CCNY: variants seen among roughly 807,000 people sequenced by gnomAD.
CCNY encodes cyclin-Y.
A neutral mutation model predicts 42.8 loss-of-function variants in CCNY; 19 were observed. That is an observed-to-expected ratio of 0.44 (90% CI 0.31 to 0.65). CCNY has a LOEUF of 0.65. CCNY is among the 30% of genes least tolerant of loss of function. The pLI is 0.07. For missense variants in CCNY, 370 were observed against 437.3 expected (o/e 0.85, Z 1.37); for synonymous variants, 165 against 162.7 (o/e 1.01, Z -0.11).
intron 2 of CCNY, among the ~76,000 whole-genome samples, chr10:35,495,173 A>C (rs1003637631): frequency 6.6e-6 from 1 of 152,196 alleles, no homozygotes; most frequent in Non-Finnish European, 1.5e-5. Flanking sequence ...TGTTTTATGT[A>C]TCTCTGTGTT....
Position 35,383,332 on chromosome 10 carries a change from G to T in CCNY, c.154+46125G>T, listed in dbSNP as rs191637382. 3.0e-3 allele frequency among the ~76,000 whole-genome samples: 453 copies of T among 151,402 alleles called. 1 individual carries two copies. The highest frequency in any genetic ancestry group is 0.01 in the African/African-American group (430 of 41,282). On this transcript the variant is annotated intron_variant, in intron 1 of 9. Transcript: ENST00000374704. ...CTTTTCTTTTTTTTTTTTTAAGATG[G>T]TGTTTTGCTCTGTTGCCCAGGCTGG...
intron 1 of CCNY, among the ~76,000 whole-genome samples, chr10:35,355,912 G>GTT (rs553627492): frequency 4.3e-5 from 6 of 141,090 alleles, no homozygotes; most frequent in African/African-American, 1.0e-4. Context: ...ATCTTAGATT[G>GTT]TTTTTTTTTT....
In CCNY at chr10:35,315,953, T is replaced by C. The variant is rs114070731; in HGVS notation, c.-9+65327T>C. On this transcript the variant is annotated intron_variant, in intron 3 of 11. Transcript: ENST00000374706. ...TCATTCTAATTTCCACCCAGACCCA[T>C]TTCTACCTTCTGTCTCTATAATATT... Among the ~76,000 whole-genome samples the C allele has an allele frequency of 5.2e-3, 786 of 152,316 alleles. 2 individuals carry two copies. Among genetic ancestry groups the C allele is most frequent in the African/African-American group, 0.018 (759 of 41,572 alleles).
chr10:35,266,503 G>A (rs2135037736), intron 3 of CCNY, among the ~76,000 whole-genome samples: 1 of 151,970 alleles, frequency 6.6e-6, no homozygotes, highest in Middle Eastern at 3.4e-3. Context: ...CTCACGCGTG[G>A]ACACAGGCAC....
chr10:35,511,154 C>T (rs113999541), intron 3 of CCNY, among the ~76,000 whole-genome samples: 1,962 of 152,340 alleles, frequency 0.013, 33 homozygotes, highest in East Asian at 0.051. Context: ...TGTGGTCTCC[C>T]TCACAGAGGA....
chr10:35,552,086 A>G (rs1437752791), intron 7 of CCNY, among the ~76,000 whole-genome samples: 1 of 152,008 alleles, frequency 6.6e-6, no homozygotes, highest in African/African-American at 2.4e-5. Context: ...TCATAGCTGC[A>G]TTGTTCACAA....
chr10:35,253,699 G>T (rs1429012984), intron 3 of CCNY, among the ~76,000 whole-genome samples: 2 of 151,808 alleles, frequency 1.3e-5, no homozygotes. Context: ...ATTCATAGAG[G>T]CTAACATTCA....
intron 1 of CCNY, among the ~76,000 whole-genome samples, chr10:35,417,998 G>A (rs1329805537): frequency 6.6e-6 from 1 of 152,182 alleles, no homozygotes; most frequent in Non-Finnish European, 1.5e-5. Flanking sequence ...CTAAGCCCAG[G>A]CCTTTTGGAA....
rs1326761225 is a variant in CCNY, at chr10:35,361,751, G to A, written c.154+24544G>A. 2.0e-5 allele frequency among the ~76,000 whole-genome samples: 3 copies of A among 152,178 alleles called. No homozygotes were observed. In the East Asian group the frequency reaches 5.8e-4, roughly 29 times the overall value. On this transcript the variant is annotated intron_variant, in intron 1 of 9. Transcript: ENST00000374704. ...ATATTACAAAGATATATAAGACATG[G>A]CCTCTGATTTGTGGAGCACTAAATT...
At chr10:35,418,612 C>A (rs1286530335) in intron 1 of CCNY, among the ~76,000 whole-genome samples, 2 of 151,990 alleles carry the variant, frequency 1.3e-5, no homozygotes, top group Non-Finnish European at 2.9e-5. Context: ...TGAGAATATG[C>A]CTCCGTTGCT....
intron 7 of CCNY, among the ~76,000 whole-genome samples, chr10:35,547,617 C>T (rs1054440456): frequency 1.8e-4 from 27 of 152,164 alleles, no homozygotes; most frequent in African/African-American, 6.0e-4. Context: ...GTTTTACTAG[C>T]GAATCACTCG....
chr10:35,499,662 G>A (rs1840071909), intron 2 of CCNY, among the ~76,000 whole-genome samples: 1 of 152,214 alleles, frequency 6.6e-6, no homozygotes, highest in South Asian at 2.1e-4. Flanking sequence ...GATGTAGGGT[G>A]TTGAGGTGAC....
intron 3 of CCNY, among the ~76,000 whole-genome samples, chr10:35,321,758 A>C (rs1835824741): frequency 6.6e-6 from 1 of 152,242 alleles, no homozygotes; most frequent in East Asian, 1.9e-4. Context: ...AGAATGCAAA[A>C]AATTTTTGAA....
At chr10:35,560,832 G>GC (rs1418890845) in intron 8 of CCNY, among the ~76,000 whole-genome samples, 1 of 152,160 alleles carries the variant, frequency 6.6e-6, no homozygotes, top group Non-Finnish European at 1.5e-5. Context: ...AACCGTGTGA[G>GC]CCCAGGAATT....
chr10:35,412,406 C>T (rs1010214170), intron 1 of CCNY, among the ~76,000 whole-genome samples: 5 of 152,154 alleles, frequency 3.3e-5, no homozygotes, highest in African/African-American at 1.2e-4. Flanking sequence ...TAATCAAATG[C>T]ATTGCTATAC....
rs113022223 is a variant in CCNY, at chr10:35,469,159, T to C, written c.155-14245T>C. On this transcript the variant is annotated intron_variant, in intron 1 of 9. Coordinates refer to ENST00000374704, the MANE Select transcript of CCNY (RefSeq NM_145012.6). ...AAAACCCAAGACCAGCTCACACAAC[T>C]GGATAGCCCCTGTCCTGCCACAGAC... 3.9e-3 allele frequency among the ~76,000 whole-genome samples: 592 copies of C among 152,326 alleles called. 3 individuals carry two copies. Among genetic ancestry groups the C allele is most frequent in the African/African-American group, 0.013 (551 of 41,574 alleles).
intron 3 of CCNY, among the ~76,000 whole-genome samples, chr10:35,319,506 A>T (rs1039440538): frequency 1.3e-5 from 2 of 152,228 alleles, no homozygotes; most frequent in Non-Finnish European, 2.9e-5. Flanking sequence ...GATTATAATT[A>T]TGTAAATAAA....
intron 1 of CCNY, among the ~76,000 whole-genome samples, chr10:35,450,927 G>A (rs902648392): frequency 6.6e-6 from 1 of 152,102 alleles, no homozygotes. Context: ...AAGAAGGGGT[G>A]TGGGGCTCAG....
chr10:35,363,388 G>A (rs1057212334), intron 1 of CCNY, among the ~76,000 whole-genome samples: 2 of 149,890 alleles, frequency 1.3e-5, no homozygotes, highest in Non-Finnish European at 2.9e-5. Context: ...CAGGTGGTTG[G>A]GGGGCCGGGC....
Sources: allele counts gnomAD v4.1 joint callset (sites outside exome capture counted in the v4.1 genomes callset), GRCh38; gene constraint gnomAD v4.1.1; transcripts MANE v1.5; gene names NCBI Gene and HGNC (gene_info 2026-07-23, HGNC 2026-07-21).